CEP120: variants seen among roughly 807,000 people sequenced by gnomAD.
CEP120 encodes centrosomal protein 120.
Under a neutral mutation model 126.5 loss-of-function variants are expected in CEP120, and 113 were observed. The ratio of observed to expected loss-of-function variants is 0.89; its 90% CI spans 0.77 to 1.04. CEP120 has a LOEUF of 1.04. Ranked by LOEUF, CEP120 falls within the 50% of genes least tolerant of loss-of-function variation. The probability of loss-of-function intolerance (pLI) is 0.00; values close to 1 mark genes in which losing one functional copy is unlikely to be tolerated. For missense variants in CEP120, 1,230 were observed against 1,155.7 expected (o/e 1.06, Z -0.93); for synonymous variants, 400 against 394.3 (o/e 1.01, Z -0.17).
intron 4 of CEP120, chr5:123,403,414 G>C (rs1338498655): frequency 4.8e-6 from 2 of 418,386 alleles, no homozygotes; most frequent in Non-Finnish European, 9.4e-6. Flanking sequence ...CAACTTAAAA[G>C]GGCTGCCCAA....
intron 16 of CEP120, among the ~76,000 whole-genome samples, chr5:123,376,957 T>A (rs1193182367): frequency 6.6e-6 from 1 of 151,982 alleles, no homozygotes; most frequent in African/African-American, 2.4e-5. Flanking sequence ...GATGTGGAAG[T>A]TGAGAAGAGA....
chr5:123,362,749 G>C (rs1039350109), intron 18 of CEP120, among the ~76,000 whole-genome samples: 2 of 151,412 alleles, frequency 1.3e-5, no homozygotes, highest in African/African-American at 4.8e-5. Context: ...AGAATTCCAA[G>C]TTCTAGCTGG....
At chr5:123,381,767 A>ATT (rs34626784) in intron 14 of CEP120, among the ~76,000 whole-genome samples, 1 of 150,494 alleles carries the variant, frequency 6.6e-6, no homozygotes, top group Non-Finnish European at 1.5e-5. Flanking sequence ...ACACACACAT[A>ATT]TTTTTTTTTA....
At chr5:123,366,603 T>C (rs1770477846) in intron 17 of CEP120, among the ~76,000 whole-genome samples, 1 of 151,922 alleles carries the variant, frequency 6.6e-6, no homozygotes, top group Non-Finnish European at 1.5e-5. Flanking sequence ...TACATTTTTC[T>C]CTTGAAATAT....
At chr5:123,399,432 A>G in intron 4 of CEP120, 148 bp from the exon 5 acceptor site, 1 of 687,622 alleles carries the variant, frequency 1.5e-6, no homozygotes, top group Non-Finnish European at 2.3e-6. Flanking sequence ...TCTCTTACAT[A>G]CTCACCAAAG....
At chr5:123,410,239 A>T (rs1338178796) in intron 4 of CEP120, among the ~76,000 whole-genome samples, 1 of 152,166 alleles carries the variant, frequency 6.6e-6, no homozygotes, top group Non-Finnish European at 1.5e-5. Context: ...TTCACAGAAG[A>T]CTCAATATTG....
At chr5:123,422,311 A>C (rs575440097) in intron 1 of CEP120, among the ~76,000 whole-genome samples, 8 of 152,066 alleles carry the variant, frequency 5.3e-5, no homozygotes, top group South Asian at 4.1e-4. Context: ...GTCATTCATT[A>C]GGGTCTTCCA....
chr5:123,417,610 T>C (rs1250386874), intron 2 of CEP120, among the ~76,000 whole-genome samples: 6 of 151,952 alleles, frequency 3.9e-5, no homozygotes, highest in Non-Finnish European at 8.8e-5. Context: ...CAGGTAAATA[T>C]ACAATAAATA....
intron 4 of CEP120, among the ~76,000 whole-genome samples, chr5:123,404,300 G>C (rs7720259): frequency 6.6e-6 from 1 of 152,004 alleles, no homozygotes; most frequent in Non-Finnish European, 1.5e-5. Flanking sequence ...ACTTCACTAC[G>C]TACAATGTAT....
chr5:123,383,474 T>C (rs1771801630), intron 11 of CEP120, among the ~76,000 whole-genome samples: 1 of 152,118 alleles, frequency 6.6e-6, no homozygotes, highest in Non-Finnish European at 1.5e-5. Flanking sequence ...TGTTTTCCTA[T>C]TTACATCAGG....
rs376054470 is a variant in CEP120 at position 123,393,332 on chromosome 5, G to A, written c.778C>T (p.Arg260Cys). The A allele has an allele frequency of 9.3e-6, 15 of 1,614,128 alleles. No homozygotes were observed. Among genetic ancestry groups the A allele is most frequent in the South Asian group, 2.2e-5 (2 of 91,072 alleles). ...TTAGACTGAAGAGCCAGGTAAACAC[G>A]AAGAATTTCTACACTGCTACGGATG... ...VRIRSSVEIL[R>C]VYLALQSKLQ... The change falls in exon 6 of 20, where the codon CGT becomes TGT. Residue 260 changes from arginine to cysteine, a missense_variant. Arg to Cys is a radical substitution (Grantham distance 180). Coordinates refer to ENST00000306467, the MANE Select transcript of CEP120 (RefSeq NM_001375405.1).
intron 17 of CEP120, among the ~76,000 whole-genome samples, chr5:123,370,677 G>GTA (rs201388330): frequency 0.043 from 4,040 of 94,548 alleles, 177 homozygotes; most frequent in African/African-American, 0.13. Flanking sequence ...ATATATGTGT[G>GTA]TGTGTGTGTA....
Position 123,393,307 on chromosome 5 carries a change from T to G in CEP120, c.803A>C (p.Lys268Thr). ...ATTTGCTGCAATACTCACCTGCAGTTTAGACTGAAGAGCCAGGTAAACACG... is the reference window on the plus strand; with the variant it reads ...ATTTGCTGCAATACTCACCTGCAGTGTAGACTGAAGAGCCAGGTAAACACG... ...ILRVYLALQS[K>T]LQIHLCCGDQ... Residue 268 changes from lysine (K) to threonine (T), a missense_variant, in exon 6 of 20, where the codon AAA becomes ACA. Lys to Thr is a moderately conservative substitution (Grantham distance 78, BLOSUM62 -1). Transcript: ENST00000306467. 1 of 1,614,098 alleles carries G rather than the reference T, an allele frequency of 6.2e-7. No individual in the cohort carries two copies. Among genetic ancestry groups the G allele is most frequent in the Non-Finnish European group, 8.5e-7 (1 of 1,179,976 alleles).
At chr5:123,401,227 C>T in intron 4 of CEP120, 2 of 1,612,816 alleles carry the variant, frequency 1.2e-6, no homozygotes, top group South Asian at 1.1e-5. Context: ...TCCTGGTACT[C>T]ACGCAGCTGC....
intron 4 of CEP120, chr5:123,401,731 G>A (rs1462957987): frequency 5.0e-5 from 62 of 1,238,704 alleles, no homozygotes; most frequent in Admixed American, 4.7e-4. Context: ...CCTTGTTAAT[G>A]TAAGCTTCAT....
At chr5:123,373,744 A>C (rs1488560506) in intron 16 of CEP120, among the ~76,000 whole-genome samples, 1 of 152,006 alleles carries the variant, frequency 6.6e-6, no homozygotes, top group East Asian at 1.9e-4. Flanking sequence ...AGCCACATGG[A>C]AGATCCTCGG....
In CEP120 at chr5:123,391,356, A is replaced by C; in HGVS notation, c.811-19T>G. 1 of 1,558,702 alleles carries C rather than the reference A, an allele frequency of 6.4e-7. No homozygotes were observed. Among genetic ancestry groups the C allele is most frequent in the Non-Finnish European group, 8.8e-7 (1 of 1,130,944 alleles). On this transcript the variant is annotated intron_variant, in intron 6 of 19. Coordinates refer to ENST00000306467, the MANE Select transcript of CEP120 (RefSeq NM_001375405.1). ...GGTGAATCTAATATGAAAGGGAAAA[A>C]TCAAAATAGGGCTTTATACTTTCTC...
chr5:123,352,658 T>C lies in CEP120; in HGVS notation c.2581-2569A>G, dbSNP rs576151017. 3.3e-5 allele frequency among the ~76,000 whole-genome samples: 5 copies of C among 152,180 alleles called. No homozygotes were observed. In the South Asian group the frequency reaches 1.0e-3, roughly 32 times the overall value. ...ATTTGCTTATTCTTCAAAATGATTT[T>C]AGCTATTCTTGGCTCTTACATTTTC... On this transcript the variant is annotated intron_variant, in intron 18 of 19. Transcript: ENST00000306467.
intron 4 of CEP120, 99 bp downstream of exon 4, chr5:123,412,300 T>C: frequency 8.8e-7 from 1 of 1,133,072 alleles, no homozygotes; most frequent in Non-Finnish European, 1.2e-6. Flanking sequence ...ATGAACAGTT[T>C]ACACCCTGCA....
Sources: gnomAD v4.1 joint callset for allele counts (sites outside exome capture counted in the v4.1 genomes callset) on GRCh38, gnomAD v4.1.1 for gene constraint, MANE v1.5 for transcripts, NCBI Gene and HGNC (gene_info 2026-07-23, HGNC 2026-07-21) for gene names.